The following KIF9 variants were observed in gnomAD, a reference collection of about 807,000 sequenced individuals.
KIF9 encodes kinesin family member 9.
KIF9 carries 68 observed loss-of-function variants against 94.8 expected under a neutral mutation model. That is an observed-to-expected ratio of 0.72 (90% CI 0.59 to 0.88). KIF9 has a LOEUF of 0.88. Ranked by LOEUF, KIF9 falls within the 40% of genes least tolerant of loss-of-function variation. The pLI, the probability that KIF9 is intolerant of heterozygous loss-of-function variation, is 0.00. For missense variants in KIF9, 882 were observed against 982.5 expected (o/e 0.90, Z 1.37); for synonymous variants, 343 against 362.1 (o/e 0.95, Z 0.60).
intron 10 of KIF9, among the ~76,000 whole-genome samples, chr3:47,256,989 G>T (rs903885261): frequency 1.3e-5 from 2 of 152,202 alleles, no homozygotes; most frequent in East Asian, 3.9e-4. Context: ...TCAAGTACCC[G>T]GAGACACAAA....
intron 1 of KIF9, among the ~76,000 whole-genome samples, chr3:47,277,934 C>G (rs1036387343): frequency 1.3e-5 from 2 of 152,114 alleles, no homozygotes; most frequent in South Asian, 2.1e-4. Context: ...ATATCACAGA[C>G]AGTCCCCTAC....
intron 5 of KIF9, among the ~76,000 whole-genome samples, chr3:47,269,050 A>C (rs564524525): frequency 6.6e-6 from 1 of 152,296 alleles, no homozygotes; most frequent in African/African-American, 2.4e-5. Flanking sequence ...CTGGGATTAC[A>C]GGTGTGAGAC....
intron 9 of KIF9, among the ~76,000 whole-genome samples, chr3:47,258,956 G>T (rs1700787786): frequency 6.6e-6 from 1 of 152,146 alleles, no homozygotes; most frequent in South Asian, 2.1e-4. Context: ...ATAGCTACAT[G>T]TGGCCAGTGG....
chr3:47,239,533 G>A, intron 17 of KIF9: 3 of 1,093,880 alleles, frequency 2.7e-6, no homozygotes, highest in Non-Finnish European at 2.3e-6. Flanking sequence ...GGTATGATAA[G>A]AATGGCCCCA....
intron 17 of KIF9, among the ~76,000 whole-genome samples, 160 bp from the exon 18 acceptor site, chr3:47,236,779 G>T (rs1169557586): frequency 1.3e-5 from 2 of 152,180 alleles, no homozygotes; most frequent in Admixed American, 1.3e-4. Flanking sequence ...GCACAAGAAG[G>T]CCAGGCTGCC....
At chr3:47,239,748 C>G in intron 17 of KIF9, 1 of 1,316,842 alleles carries the variant, frequency 7.6e-7, no homozygotes, top group South Asian at 1.3e-5. Context: ...CCACCACGCC[C>G]TGCTCCTCTG....
rs1699857817 is a variant in KIF9 at position 47,245,413 on chromosome 3, A to G, written c.1380+8T>C. 2.5e-6 allele frequency: 4 copies of G among 1,610,224 alleles called. No individual in the cohort carries two copies. The highest frequency in any genetic ancestry group is 4.5e-5 in the East Asian group (2 of 44,864). On this transcript the variant is annotated splice_region_variant and intron_variant, in intron 14 of 20. Coordinates refer to ENST00000684063, the MANE Select transcript of KIF9 (RefSeq NM_182902.4). ...TGAGTGCTGTCGGCAAGTAGCAACT[A>G]TGCTTACCTTCTGGATAGCAGAAAT...
intron 4 of KIF9, among the ~76,000 whole-genome samples, chr3:47,271,910 A>C (rs1201215235): frequency 6.6e-6 from 1 of 152,176 alleles, no homozygotes; most frequent in Admixed American, 6.5e-5. Flanking sequence ...TCATGAGGTC[A>C]GGAGATCGAG....
chr3:47,282,743 A>C lies in KIF9; in HGVS notation c.-254T>G. 1 of 1,421,988 alleles carries C rather than the reference A, an allele frequency of 7.0e-7. No individual in the cohort carries two copies. The highest frequency in any genetic ancestry group is 9.2e-7 in the Non-Finnish European group (1 of 1,091,546). 88.1% of individuals were successfully genotyped at this position (1,421,988 alleles called of 1,614,324 possible). ...TCTAGAAAGACTTCGGCGGATGCAC[A>C]TGCGAAGTCAAGGTCGAGATAGCGA... On this transcript the variant is annotated 5_prime_UTR_variant, in exon 1 of 21. An upstream start codon of the reference 5' UTR is lost. Coordinates refer to ENST00000684063, the MANE Select transcript of KIF9 (RefSeq NM_182902.4).
At chr3:47,258,939 G>A (rs879274974) in intron 9 of KIF9, among the ~76,000 whole-genome samples, 1 of 152,160 alleles carries the variant, frequency 6.6e-6, no homozygotes, top group East Asian at 1.9e-4. Context: ...CCACATCTGA[G>A]TGCTCCATAG....
intron 3 of KIF9, among the ~76,000 whole-genome samples, chr3:47,274,095 G>T (rs182434969): frequency 7.9e-5 from 12 of 152,358 alleles, no homozygotes; most frequent in Non-Finnish European, 1.6e-4. Context: ...GAGGCAAAGA[G>T]GGGCTTTCAA....
chr3:47,256,607 C>A (rs1405855859), intron 10 of KIF9, among the ~76,000 whole-genome samples: 1 of 151,840 alleles, frequency 6.6e-6, no homozygotes, highest in African/African-American at 2.4e-5. Flanking sequence ...AAGTGAGGAG[C>A]CCCTCTGCCC....
chr3:47,247,327 G>T, intron 12 of KIF9, 46 bp downstream of exon 12: 2 of 1,327,554 alleles, frequency 1.5e-6, no homozygotes, highest in Non-Finnish European at 2.2e-6. Context: ...CCAGGACTGG[G>T]AGGCCCAGGC....
At position 47,247,965 on chromosome 3, in the gene KIF9, G is replaced by A. The variant is rs1700033081; in HGVS notation, c.1128+53C>T. On this transcript the variant is annotated intron_variant, in intron 11 of 20. Transcript: ENST00000684063. Reference sequence around the variant, plus strand: ...TCTGCCCCTAGCCCCAGTCCCTCTAGTCACCCCCTACCCCAGCACCTCTGC... The same window carrying A: ...TCTGCCCCTAGCCCCAGTCCCTCTAATCACCCCCTACCCCAGCACCTCTGC... 2.9e-6 allele frequency: 4 copies of A among 1,396,704 alleles called. No homozygotes were observed. In the Admixed American group the frequency reaches 5.0e-5, roughly 18 times the overall value. 86.5% of individuals were successfully genotyped at this position (1,396,704 alleles called of 1,614,324 possible). A position where few individuals can be genotyped will look rare whatever the true frequency, so the allele number is the denominator to read the frequency against.
At chr3:47,249,962 T>C (rs974632697) in intron 10 of KIF9, among the ~76,000 whole-genome samples, 1 of 152,088 alleles carries the variant, frequency 6.6e-6, no homozygotes, top group Non-Finnish European at 1.5e-5. Context: ...GGCAGGAGAA[T>C]TGCTTGAACC....
intron 20 of KIF9, among the ~76,000 whole-genome samples, chr3:47,232,788 C>T (rs1698697026): frequency 6.7e-6 from 1 of 150,216 alleles, no homozygotes; most frequent in Non-Finnish European, 1.5e-5. Flanking sequence ...CGAGACCATC[C>T]TAGCTAACAC....
intron 1 of KIF9, among the ~76,000 whole-genome samples, chr3:47,281,559 G>A (rs962283166): frequency 2.6e-5 from 4 of 152,074 alleles, no homozygotes; most frequent in African/African-American, 7.2e-5. Flanking sequence ...TGTTGCCCAG[G>A]CTGGTCTTGA....
chr3:47,271,323 C>A lies in KIF9; in HGVS notation c.505G>T (p.Val169Leu). 6.2e-7 allele frequency: 1 copy of A among 1,613,928 alleles called. No homozygotes were observed. The highest frequency in any genetic ancestry group is 8.5e-7 in the Non-Finnish European group (1 of 1,179,964). The change falls in exon 5 of 21, where the codon GTG (valine) becomes TTG (leucine). Residue 169 changes from valine (V) to leucine (L), a missense_variant. Physicochemically the swap from Val to Leu is conservative, Grantham distance 32. Transcript: ENST00000684063. Reference sequence around the variant, plus strand: ...ATGAAGACTCCTTGAGGGTTTTCCACGATGGTCATTGGTGTGACTGAGGGT... The same window carrying A: ...ATGAAGACTCCTTGAGGGTTTTCCAAGATGGTCATTGGTGTGACTGAGGGT... Reference protein sequence around the residue: ...VGPSVTPMTIVENPQGVFIKG... With the variant: ...VGPSVTPMTILENPQGVFIKG...
chr3:47,242,043 TCAG>T (rs1273373242), intron 16 of KIF9, among the ~76,000 whole-genome samples: 3 of 151,584 alleles, frequency 2.0e-5, no homozygotes, highest in African/African-American at 7.3e-5. Flanking sequence ...ACTCCCATGC[TCAG>T]CTCCCTTTTA....
Sources: allele counts gnomAD v4.1 joint callset (sites outside exome capture counted in the v4.1 genomes callset), GRCh38; gene constraint gnomAD v4.1.1; transcripts MANE v1.5; gene names NCBI Gene and HGNC (gene_info 2026-07-23, HGNC 2026-07-21).